The following MTNAP1 variants were observed in gnomAD, a reference collection of about 807,000 sequenced individuals.
MTNAP1 encodes the protein mitochondrial nucleoid associated protein 1.
the MTNAP1 span, among the ~76,000 whole-genome samples, chr17:73,238,282 C>T: frequency 2.6e-5 from 1 of 38,202 alleles, no homozygotes; most frequent in Non-Finnish European, 6.7e-5. Context: ...GCATACCTGT[C>T]GTTTGTAAAG....
the MTNAP1 span, among the ~76,000 whole-genome samples, chr17:73,241,815 G>A: frequency 6.6e-6 from 1 of 152,164 alleles, no homozygotes; most frequent in Non-Finnish European, 1.5e-5. Context: ...TGTAATCCCA[G>A]CTACTCGGGA....
the MTNAP1 span, among the ~76,000 whole-genome samples, chr17:73,242,639 T>C: frequency 4.6e-5 from 7 of 152,318 alleles, no homozygotes; most frequent in East Asian, 1.9e-4. Context: ...AGAAAAACTC[T>C]AAACCTCAAG....
chr17:73,235,625 C>T, the MTNAP1 span: 1 of 1,614,180 alleles, frequency 6.2e-7, no homozygotes, highest in Non-Finnish European at 8.5e-7. Flanking sequence ...AAGCCAGCTA[C>T]ACTCCCACGT....
the MTNAP1 span, chr17:73,236,530 A>G: frequency 1.2e-6 from 2 of 1,614,238 alleles, no homozygotes; most frequent in Non-Finnish European, 8.5e-7. Context: ...TCAAGGGGAA[A>G]GACCACATTT....
At chr17:73,234,584 G>C in the MTNAP1 span, among the ~76,000 whole-genome samples, 7 of 151,498 alleles carry the variant, frequency 4.6e-5, no homozygotes, top group Admixed American at 1.3e-4. Context: ...CCAGCTCCTC[G>C]GGATGCTGAG....
At chr17:73,248,678 C>T in the MTNAP1 span, 11 of 857,458 alleles carry the variant, frequency 1.3e-5, no homozygotes, top group Non-Finnish European at 2.0e-5. Context: ...TCTGTTACTA[C>T]AAGTTGGGAA....
At chr17:73,234,996 G>A in the MTNAP1 span, among the ~76,000 whole-genome samples, 2 of 152,120 alleles carry the variant, frequency 1.3e-5, no homozygotes, top group Non-Finnish European at 2.9e-5. Context: ...TGGGTGGATT[G>A]CCAGAGCTCA....
chr17:73,242,838 C>T, the MTNAP1 span: 39 of 1,392,210 alleles, frequency 2.8e-5, no homozygotes, highest in South Asian at 1.1e-4. Flanking sequence ...GAATGACTCG[C>T]GGATACTGGC....
chr17:73,232,496 T>C, the MTNAP1 span: 2 of 515,082 alleles, frequency 3.9e-6, no homozygotes, highest in Non-Finnish European at 6.7e-6. Context: ...GAGGGTACGG[T>C]ATAAAAGTCA....
chr17:73,247,348 C>G, the MTNAP1 span: 31 of 1,614,006 alleles, frequency 1.9e-5, 1 homozygote, highest in South Asian at 3.1e-4. Flanking sequence ...TTAGGAAGCA[C>G]GTTTAAGTAG....
At chr17:73,236,647 G>A in the MTNAP1 span, 3 of 1,614,066 alleles carry the variant, frequency 1.9e-6, no homozygotes, top group Admixed American at 1.7e-5. Context: ...AGAAAAGAAA[G>A]CAGAAGCCCA....
the MTNAP1 span, chr17:73,242,318 T>G: frequency 6.2e-7 from 1 of 1,604,258 alleles, no homozygotes; most frequent in African/African-American, 1.3e-5. Flanking sequence ...CTCCAACTTC[T>G]CTCTAATGAG....
the MTNAP1 span, chr17:73,242,492 C>T: frequency 1.8e-6 from 1 of 562,064 alleles, no homozygotes; most frequent in East Asian, 3.1e-5. Flanking sequence ...TTCCATTTGT[C>T]TGTGTTCATT....
chr17:73,245,722 TG>T, the MTNAP1 span: 1 of 985,304 alleles, frequency 1.0e-6, no homozygotes, highest in African/African-American at 1.7e-5. Context: ...GCATTCGAGT[TG>T]CAGGTAAGCC....
the MTNAP1 span, chr17:73,236,420 C>G: frequency 6.2e-7 from 1 of 1,614,076 alleles, no homozygotes; most frequent in South Asian, 1.1e-5. Flanking sequence ...AAAGGAAATG[C>G]AGAGAAAAGT....
chr17:73,235,859 C>A, the MTNAP1 span: 1 of 1,613,998 alleles, frequency 6.2e-7, no homozygotes, highest in Non-Finnish European at 8.5e-7. Flanking sequence ...TTAAAAAATA[C>A]TAAACCAATG....
chr17:73,243,094 T>TTTG, the MTNAP1 span: 11 of 954,822 alleles, frequency 1.2e-5, no homozygotes, highest in Middle Eastern at 2.7e-4. Context: ...TTTTTTTTTT[T>TTTG]TTTTTTTACA....
the MTNAP1 span, chr17:73,244,765 G>A: frequency 6.2e-6 from 1 of 160,200 alleles, no homozygotes; most frequent in African/African-American, 2.4e-5. Context: ...TCAGTGCCTA[G>A]TGAGTAGCGG....
the MTNAP1 span, chr17:73,237,021 AT>A: frequency 6.6e-7 from 1 of 1,512,592 alleles, no homozygotes; most frequent in South Asian, 1.3e-5. Context: ...TTCAATTGCC[AT>A]CTGTCCCATC....
Sources: allele counts gnomAD v4.1 joint callset (sites outside exome capture counted in the v4.1 genomes callset), GRCh38; gene constraint gnomAD v4.1.1; transcripts MANE v1.5; gene names NCBI Gene and HGNC (gene_info 2026-07-23, HGNC 2026-07-21).